Variants in CDH18 observed in about 807,000 individuals in gnomAD.
CDH18 encodes the protein cadherin 18, also known as cadherin-18.
A neutral mutation model predicts 67.9 loss-of-function variants in CDH18; 31 were observed. The observed-to-expected ratio is 0.46, with a 90% confidence interval of 0.34 to 0.62. The LOEUF (loss-of-function observed/expected upper bound fraction) is 0.62. Ranked by LOEUF, CDH18 falls within the 20% of genes least tolerant of loss-of-function variation. The pLI, the probability that CDH18 is intolerant of heterozygous loss-of-function variation, is 0.01. For missense variants in CDH18, 890 were observed against 975.5 expected (o/e 0.91, Z 1.17); for synonymous variants, 362 against 347.2 (o/e 1.04, Z -0.48).
At chr5:19,634,343 ACAGAGT>A (rs1279745128) in intron 5 of CDH18, among the ~76,000 whole-genome samples, 1 of 152,194 alleles carries the variant, frequency 6.6e-6, no homozygotes, top group Non-Finnish European at 1.5e-5. Context: ...CATGAGCTCT[ACAGAGT>A]GATAGGGTCC....
intron 5 of CDH18, among the ~76,000 whole-genome samples, chr5:19,632,827 G>A (rs967516751): frequency 6.6e-6 from 1 of 152,166 alleles, no homozygotes; most frequent in African/African-American, 2.4e-5. Context: ...TGAAGAAACT[G>A]GTTTTATTTG....
rs1289823737 is a variant in CDH18 at position 19,547,042 on chromosome 5, A to G, written c.1254-3037T>C. Among the ~76,000 whole-genome samples the G allele has an allele frequency of 3.9e-5, 6 of 152,176 alleles. No homozygotes were observed. In the East Asian group the frequency reaches 1.2e-3, roughly 29 times the overall value. ...CAGAATAGTGGGAAATCTGTATGTC[A>G]CTGGGGTTCCCAAAGCATAAAGCCA... is the stretch of plus-strand genomic sequence containing the variant. On this transcript the variant is annotated intron_variant, in intron 8 of 12. Transcript: ENST00000382275.
At chr5:19,961,093 C>T (rs926764310) in intron 2 of CDH18, among the ~76,000 whole-genome samples, 22 of 141,474 alleles carry the variant, frequency 1.6e-4, no homozygotes, top group Admixed American at 9.5e-4. Flanking sequence ...TTTTCAACTA[C>T]ATTATAATTT....
At chr5:20,497,028 AAGG>A (rs1581109236) in intron 1 of CDH18, among the ~76,000 whole-genome samples, 1 of 151,970 alleles carries the variant, frequency 6.6e-6, no homozygotes, top group Non-Finnish European at 1.5e-5. Flanking sequence ...CAAAGATTTG[AAGG>A]AGAAGGTAGA....
At chr5:20,168,284 T>C (rs1217505273) in intron 2 of CDH18, among the ~76,000 whole-genome samples, 3 of 152,134 alleles carry the variant, frequency 2.0e-5, no homozygotes, top group African/African-American at 7.2e-5. Flanking sequence ...TAATCTACCT[T>C]TGCTAGGCTT....
intron 5 of CDH18, among the ~76,000 whole-genome samples, chr5:19,655,785 C>G (rs1756277175): frequency 6.6e-6 from 1 of 152,016 alleles, no homozygotes. Context: ...AATCAGTTAT[C>G]CCGGTGTCTC....
chr5:20,167,908 A>G (rs1159190939), intron 2 of CDH18, among the ~76,000 whole-genome samples: 4 of 152,210 alleles, frequency 2.6e-5, no homozygotes, highest in African/African-American at 9.6e-5. Context: ...GAAAAGCTGT[A>G]GTCCATGCGG....
In CDH18 at chr5:19,718,207, G is replaced by A. The variant is rs1406374105; in HGVS notation, c.643+3140C>T. On this transcript the variant is annotated intron_variant, in intron 5 of 12. Transcript: ENST00000382275. The stretch of plus-strand genomic sequence containing the variant: ...CATCTTTCATGGAAACAAGGCAATC[G>A]AAACACTGATTTTAGTCATAAGCAC... 5.3e-5 allele frequency among the ~76,000 whole-genome samples: 8 copies of A among 151,974 alleles called. No homozygotes were observed. In the South Asian group the frequency reaches 1.0e-3, roughly 20 times the overall value.
intron 1 of CDH18, among the ~76,000 whole-genome samples, chr5:20,562,297 G>A (rs1758264146): frequency 6.6e-6 from 1 of 151,706 alleles, no homozygotes; most frequent in African/African-American, 2.4e-5. Flanking sequence ...AGAAATATGA[G>A]TTTGGTACTA....
intron 8 of CDH18, among the ~76,000 whole-genome samples, chr5:19,565,559 C>T (rs192685977): frequency 2.6e-5 from 4 of 152,118 alleles, no homozygotes; most frequent in African/African-American, 7.2e-5. Flanking sequence ...CCAATTAATC[C>T]CCTTTGAGTA....
intron 2 of CDH18, among the ~76,000 whole-genome samples, chr5:20,118,203 ACT>A (rs1491505776): frequency 1.3e-5 from 2 of 152,156 alleles, no homozygotes; most frequent in African/African-American, 4.8e-5. Flanking sequence ...TAAAATGGTA[ACT>A]TTTTTTAAAG....
At chr5:20,322,288 AATT>A (rs1196990369) in intron 1 of CDH18, among the ~76,000 whole-genome samples, 13 of 152,228 alleles carry the variant, frequency 8.5e-5, no homozygotes, top group African/African-American at 1.4e-4. Flanking sequence ...TAATGATATT[AATT>A]ATTATTATAA....
Position 19,689,542 on chromosome 5 carries a change from C to T in CDH18, c.643+31805G>A, listed in dbSNP as rs145908907. On this transcript the variant is annotated intron_variant, in intron 5 of 12. Coordinates refer to ENST00000382275, the MANE Select transcript of CDH18 (RefSeq NM_004934.5). ...AAGAAATGTTTAAGGGTGTCCTACA[C>T]CTGGAAACAAAAGGCTTATATCTAT... Among the ~76,000 whole-genome samples the T allele has an allele frequency of 9.9e-4, 151 of 151,942 alleles. 1 individual carries two copies. The highest frequency in any genetic ancestry group is 3.4e-3 in the African/African-American group (141 of 41,506).
Position 19,785,193 on chromosome 5 carries a change from C to T in CDH18, c.229-37957G>A, listed in dbSNP as rs141488363. On this transcript the variant is annotated intron_variant, in intron 3 of 12. Coordinates refer to ENST00000382275, the MANE Select transcript of CDH18 (RefSeq NM_004934.5). ...TTATGGAGTTTGAGTTTTTAGTCTACAAAAGAATGGTATCTGTCATAGAAT... is the reference window on the plus strand; with the variant it reads ...TTATGGAGTTTGAGTTTTTAGTCTATAAAAGAATGGTATCTGTCATAGAAT... 4.4e-4 allele frequency among the ~76,000 whole-genome samples: 67 copies of T among 152,020 alleles called. No individual in the cohort carries two copies. In the East Asian group the frequency reaches 0.013, roughly 29 times the overall value.
chr5:20,234,930 G>T (rs923453050), intron 2 of CDH18, among the ~76,000 whole-genome samples: 1 of 152,042 alleles, frequency 6.6e-6, no homozygotes, highest in Admixed American at 6.6e-5. Flanking sequence ...TGCAATTGGG[G>T]AAAGTATTCA....
intron 2 of CDH18, among the ~76,000 whole-genome samples, chr5:19,882,832 TC>T: frequency 6.6e-6 from 1 of 152,176 alleles, no homozygotes; most frequent in East Asian, 1.9e-4. Flanking sequence ...ATTTACATCC[TC>T]ACTGATAAAT....
Position 19,584,510 on chromosome 5 carries a change from T to C in CDH18, c.999+6547A>G, listed in dbSNP as rs555238667. 5.3e-5 allele frequency among the ~76,000 whole-genome samples: 8 copies of C among 152,076 alleles called. 1 individual carries two copies. In the East Asian group the frequency reaches 9.7e-4, roughly 18 times the overall value. Reference sequence around the variant, plus strand: ...GTTAAAATCCACTCAGGTATACAGGTTTTTGAAATTGCAATTATTTATGCC... The same window carrying C: ...GTTAAAATCCACTCAGGTATACAGGCTTTTGAAATTGCAATTATTTATGCC... On this transcript the variant is annotated intron_variant, in intron 7 of 12. Coordinates refer to ENST00000382275, the MANE Select transcript of CDH18 (RefSeq NM_004934.5).
intron 5 of CDH18, among the ~76,000 whole-genome samples, chr5:19,665,627 G>A (rs13178644): frequency 0.35 from 53,510 of 151,754 alleles, 11,328 homozygotes; most frequent in Middle Eastern, 0.54. Flanking sequence ...TATTAAATAT[G>A]TATGTAAGTT....
intron 1 of CDH18, chr5:20,304,201 C>T (rs755090314): frequency 2.5e-5 from 38 of 1,500,926 alleles, no homozygotes; most frequent in Non-Finnish European, 3.2e-5. Flanking sequence ...TCCCTGTTGG[C>T]GTACGTGGCA....
Sources: allele counts gnomAD v4.1 joint callset (sites outside exome capture counted in the v4.1 genomes callset), GRCh38; gene constraint gnomAD v4.1.1; transcripts MANE v1.5; gene names NCBI Gene and HGNC (gene_info 2026-07-23, HGNC 2026-07-21).